The following LONRF3 variants were observed in gnomAD, a reference collection of about 807,000 sequenced individuals.
LONRF3 encodes the protein LON peptidase N-terminal domain and RING finger protein 3.
Under a neutral mutation model 51.7 loss-of-function variants are expected in LONRF3, and 19 were observed. The observed-to-expected ratio is 0.37, with a 90% confidence interval of 0.26 to 0.54. The LOEUF (loss-of-function observed/expected upper bound fraction) is 0.54. LONRF3 is among the 20% of genes least tolerant of loss of function. LONRF3 has a pLI of 0.86. For synonymous variants in LONRF3, 265 were observed against 257.8 expected (o/e 1.03, Z -0.27); for missense variants, 521 against 623.9 (o/e 0.84, Z 1.76).
At chrX:118,990,861 T>TA (rs1260264551) in intron 5 of LONRF3, among the ~76,000 whole-genome samples, 113 of 111,188 alleles carry the variant, frequency 1.0e-3, no homozygotes, top group Non-Finnish European at 1.7e-3. Context: ...CTTTTTTTTT[T>TA]ATGTCTTTTT....
intron 5 of LONRF3, among the ~76,000 whole-genome samples, chrX:118,993,160 C>G (rs1367306429): frequency 9.0e-6 from 1 of 110,815 alleles, no homozygotes; most frequent in Admixed American, 9.6e-5. Flanking sequence ...AGCAATGGAT[C>G]CAAACCAAGA....
chrX:118,978,998 C>CTTTTTTTT (rs36016675), intron 2 of LONRF3, among the ~76,000 whole-genome samples: 1 of 56,117 alleles, frequency 1.8e-5, no homozygotes, highest in Non-Finnish European at 3.0e-5. Flanking sequence ...TGTTTTCTTT[C>CTTTTTTTT]TTTTTTTTTT....
chrX:118,977,201 G>A (rs1922151790), intron 1 of LONRF3, among the ~76,000 whole-genome samples: 2 of 110,465 alleles, frequency 1.8e-5, no homozygotes, highest in Non-Finnish European at 3.8e-5. Flanking sequence ...TGTTGCCACA[G>A]AGGAAGCTAG....
At chrX:119,001,546 C>T (rs917315252) in intron 5 of LONRF3, among the ~76,000 whole-genome samples, 6 of 111,697 alleles carry the variant, frequency 5.4e-5, no homozygotes, top group Non-Finnish European at 3.8e-5. Flanking sequence ...AAATATATTC[C>T]ATCTGTTCCA....
At position 118,975,551 on chromosome X, in the gene LONRF3, C is replaced by G; in HGVS notation, c.771C>G (p.Arg257=). 8.3e-7 allele frequency: 1 copy of G among 1,198,911 alleles called. No individual in the cohort carries two copies. The highest frequency in any genetic ancestry group is 1.1e-6 in the Non-Finnish European group (1 of 890,851). Residue 257 remains arginine, a synonymous_variant, in exon 1 of 11, where the codon CGC becomes CGG. Transcript: ENST00000371628. The stretch of plus-strand genomic sequence containing the variant: ...AGGGCAACCGACTGTACCGCGAGCG[C>G]CAGGTGGAGGCGGCACTGCTCAAGT... ...RHEGNRLYRE[R]QVEAALLKYN... is the part of the protein sequence containing the mutation.
intron 8 of LONRF3, 195 bp from the exon 9 acceptor site, chrX:119,012,844 A>G: frequency 9.0e-7 from 1 of 1,108,981 alleles, no homozygotes; most frequent in Non-Finnish European, 1.2e-6. Flanking sequence ...GGTAGCAGTT[A>G]CACGAATACA....
At chrX:119,014,053 G>A (rs1488184465) in intron 9 of LONRF3, among the ~76,000 whole-genome samples, 154 bp from the exon 10 acceptor site, 1 of 111,532 alleles carries the variant, frequency 9.0e-6, no homozygotes, top group African/African-American at 3.3e-5. Flanking sequence ...ACTTGACTAA[G>A]GGGCATTTCA....
rs1248852790 is a variant in LONRF3, at chrX:119,017,914, A to G, written c.*224A>G. Reference sequence around the variant, plus strand: ...GCTTCTTGACATGCTGCATAACTACATAAACAGCAGAGGTGTTTAAGAGCC... The same window carrying G: ...GCTTCTTGACATGCTGCATAACTACGTAAACAGCAGAGGTGTTTAAGAGCC... On this transcript the variant is annotated 3_prime_UTR_variant, in exon 11 of 11. Transcript: ENST00000371628. 6 of 296,152 alleles carry G rather than the reference A, an allele frequency of 2.0e-5. No individual in the cohort carries two copies. The highest frequency in any genetic ancestry group is 5.2e-5 in the East Asian group (1 of 19,119). The allele number at this position is 296,152 out of a possible 1,213,427, so 24.4% of individuals were successfully genotyped here. A position where few individuals can be genotyped will look rare whatever the true frequency, so the allele number is the denominator to read the frequency against.
intron 3 of LONRF3, among the ~76,000 whole-genome samples, chrX:118,987,707 A>G (rs772156448): frequency 1.9e-4 from 21 of 109,522 alleles, no homozygotes; most frequent in South Asian, 4.0e-4. Context: ...GGGCCTAACA[A>G]TCCCTCCTTT....
intron 2 of LONRF3, among the ~76,000 whole-genome samples, chrX:118,978,945 C>CCCTTCCTTCCTT (rs541693076): frequency 6.5e-5 from 7 of 108,014 alleles, no homozygotes; most frequent in Admixed American, 2.0e-4. Flanking sequence ...TCTCTTTCTT[C>CCCTTCCTTCCTT]CCTTCCTTCC....
chrX:118,990,362 G>C (rs1179041596), intron 4 of LONRF3, 108 bp from the exon 5 acceptor site: 5 of 567,182 alleles, frequency 8.8e-6, no homozygotes, highest in Non-Finnish European at 1.5e-5. Context: ...CTGGGAGGTG[G>C]TGGTGAGAGT....
At chrX:119,002,526 T>C (rs909224459) in intron 5 of LONRF3, among the ~76,000 whole-genome samples, 7 of 112,083 alleles carry the variant, frequency 6.2e-5, no homozygotes, top group Non-Finnish European at 1.3e-4. Context: ...AGTTCTCTTA[T>C]GGATGGATGT....
intron 1 of LONRF3, 130 bp downstream of exon 1, chrX:118,975,727 GC>G: frequency 6.5e-6 from 3 of 459,112 alleles, no homozygotes; most frequent in South Asian, 4.5e-5. Flanking sequence ...ATGGACTGTG[GC>G]GGGGTGGGGG....
In LONRF3 at chrX:119,017,732, C is replaced by T. The variant is rs1925556595; in HGVS notation, c.*42C>T. 9 of 1,111,196 alleles carry T rather than the reference C, an allele frequency of 8.1e-6. No individual in the cohort carries two copies. The South Asian group carries it at 9.4e-5, about 12-fold the overall frequency. 91.6% of individuals were successfully genotyped at this position (1,111,196 alleles called of 1,213,427 possible). A position where few individuals can be genotyped will look rare whatever the true frequency, so the allele number is the denominator to read the frequency against. On this transcript the variant is annotated 3_prime_UTR_variant, in exon 11 of 11. Transcript: ENST00000371628. ...GAGGAGCTCCCACCTTCCCCACTGC[C>T]GTCGGGGGGAGTCTTCTTGTAAATA...
At chrX:119,017,445 C>A in intron 10 of LONRF3, 90 bp from the exon 11 acceptor site, 2 of 928,441 alleles carry the variant, frequency 2.2e-6, no homozygotes, top group Non-Finnish European at 2.9e-6. Context: ...AGTTGTTCTA[C>A]CTGGGGTCTT....
intron 7 of LONRF3, among the ~76,000 whole-genome samples, chrX:119,010,755 C>G (rs1925044361): frequency 9.0e-6 from 1 of 111,323 alleles, no homozygotes; most frequent in Admixed American, 9.6e-5. Flanking sequence ...AGACAAGGAT[C>G]CCAGAAGAGC....
At chrX:118,996,572 A>C (rs188345255) in intron 5 of LONRF3, among the ~76,000 whole-genome samples, 13 of 111,705 alleles carry the variant, frequency 1.2e-4, no homozygotes, top group Admixed American at 1.9e-4. Context: ...AGCTGCAAAA[A>C]AATAAAATAT....
chrX:119,010,684 T>C (rs1925041526), intron 7 of LONRF3, among the ~76,000 whole-genome samples: 1 of 111,232 alleles, frequency 9.0e-6, no homozygotes, highest in Admixed American at 9.5e-5. Context: ...GGGCAGTTGG[T>C]CTTATATTTC....
In LONRF3 at chrX:118,994,835, T is replaced by TA. The variant is rs768856276; in HGVS notation, c.1415+4279dup. 6.2e-5 allele frequency among the ~76,000 whole-genome samples: 7 copies of TA among 112,189 alleles called. No individual in the cohort carries two copies. In the East Asian group the frequency reaches 2.0e-3, roughly 31 times the overall value. ...CCTAACACTGGAAGTCCCAAATTTA[T>TA]AAAACAATTACGAATAGACCTAAGA... On this transcript the variant is annotated intron_variant, in intron 5 of 10. Transcript: ENST00000371628.
Sources: gnomAD v4.1 joint callset for allele counts (sites outside exome capture counted in the v4.1 genomes callset) on GRCh38, gnomAD v4.1.1 for gene constraint, MANE v1.5 for transcripts, NCBI Gene and HGNC (gene_info 2026-07-23, HGNC 2026-07-21) for gene names.